The following MAL2 variants were observed in gnomAD, a reference collection of about 807,000 sequenced individuals.
MAL2 encodes the protein mal, T cell differentiation protein 2.
Under a neutral mutation model 18.1 loss-of-function variants are expected in MAL2, and 17 were observed. That is an observed-to-expected ratio of 0.94 (90% CI 0.64 to 1.41). The LOEUF (loss-of-function observed/expected upper bound fraction) is 1.41. Among genes scored for constraint, MAL2 ranks in the 40% most tolerant of loss-of-function variants. The pLI is 0.00. For missense variants in MAL2, 222 were observed against 231.9 expected (o/e 0.96, Z 0.28); for synonymous variants, 102 against 102.3 (o/e 1.00, Z 0.02).
chr8:119,239,182 C>T (rs567587324), intron 2 of MAL2, among the ~76,000 whole-genome samples: 2,239 of 152,220 alleles, frequency 0.015, 54 homozygotes, highest in African/African-American at 0.052. Flanking sequence ...AAATGCTCAC[C>T]ATCACTGACC....
Position 119,231,596 on chromosome 8 carries a change from G to T in MAL2, c.304-8569G>T, listed in dbSNP as rs184731099. ...TATGATCTAGCAATCCCACGCCTGG[G>T]TATATATCCAAAGGAAATGACATCA... On this transcript the variant is annotated intron_variant, in intron 2 of 3. Transcript: ENST00000614891. 1.4e-3 allele frequency among the ~76,000 whole-genome samples: 215 copies of T among 152,202 alleles called. 1 individual carries two copies. Among genetic ancestry groups the T allele is most frequent in the African/African-American group, 4.8e-3 (201 of 41,528 alleles).
intron 2 of MAL2, among the ~76,000 whole-genome samples, chr8:119,222,546 GA>G (rs1317588322): frequency 4.6e-5 from 7 of 150,606 alleles, no homozygotes; most frequent in Non-Finnish European, 1.0e-4. Flanking sequence ...AAGAATTTGT[GA>G]CCAAGTGCAG....
intron 3 of MAL2, 54 bp from the exon 4 acceptor site, chr8:119,243,363 G>GTTT (rs1818086743): frequency 7.0e-7 from 1 of 1,422,532 alleles, no homozygotes; most frequent in African/African-American, 1.4e-5. Flanking sequence ...TTAGGACACT[G>GTTT]TTTATAAGTC....
intron 2 of MAL2, among the ~76,000 whole-genome samples, chr8:119,238,457 C>T (rs533037751): frequency 7.2e-5 from 11 of 152,130 alleles, no homozygotes; most frequent in Admixed American, 1.3e-4. Context: ...AAAAAGAGCC[C>T]GCATCGCCAA....
intron 3 of MAL2, among the ~76,000 whole-genome samples, chr8:119,241,489 C>T (rs932032478): frequency 1.3e-5 from 2 of 152,080 alleles, no homozygotes; most frequent in African/African-American, 2.4e-5. Context: ...AGACTCTGGT[C>T]GGGGGAGAGA....
At chr8:119,229,905 T>G (rs1817680516) in intron 2 of MAL2, among the ~76,000 whole-genome samples, 2 of 152,174 alleles carry the variant, frequency 1.3e-5, no homozygotes, top group South Asian at 4.1e-4. Context: ...GTGGGTAACA[T>G]GAGAGCCTAG....
rs1818109407 is a variant in MAL2, at chr8:119,244,341, G to A, written c.*853G>A. The A allele has an allele frequency of 6.6e-6, 1 of 152,062 alleles. No individual in the cohort carries two copies. The highest frequency in any genetic ancestry group is 2.4e-5 in the African/African-American group (1 of 41,394). 9.4% of individuals were successfully genotyped at this position (152,062 alleles called of 1,614,324 possible). A position where few individuals can be genotyped will look rare whatever the true frequency, so the allele number is the denominator to read the frequency against. Reference sequence around the variant, plus strand: ...TTCTCAGGCAGAGTCCTGGATATAGGAAAAAGTAATTTATGAAGTAAACTT... The same window carrying A: ...TTCTCAGGCAGAGTCCTGGATATAGAAAAAAGTAATTTATGAAGTAAACTT... On this transcript the variant is annotated 3_prime_UTR_variant, in exon 4 of 4. Coordinates refer to ENST00000614891, the MANE Select transcript of MAL2 (RefSeq NM_052886.3).
At chr8:119,241,216 G>A (rs1250856797) in intron 3 of MAL2, among the ~76,000 whole-genome samples, 1 of 152,144 alleles carries the variant, frequency 6.6e-6, no homozygotes, top group Non-Finnish European at 1.5e-5. Context: ...CTGGCTTCAT[G>A]TGGCTATTGA....
chr8:119,225,058 C>T (rs1398784365), intron 2 of MAL2, among the ~76,000 whole-genome samples: 1 of 148,090 alleles, frequency 6.8e-6, no homozygotes, highest in African/African-American at 2.5e-5. Flanking sequence ...GACGATGCAG[C>T]TTTTTTTTTT....
At position 119,230,302 on chromosome 8, in the gene MAL2, C is replaced by T. The variant is rs181705154; in HGVS notation, c.303+8545C>T. Among the ~76,000 whole-genome samples, 683 of 151,820 alleles carry T rather than the reference C, an allele frequency of 4.5e-3. 8 individuals carry two copies. Among genetic ancestry groups the T allele is most frequent in the Non-Finnish European group, 4.2e-3 (285 of 67,990 alleles). On this transcript the variant is annotated intron_variant, in intron 2 of 3. Coordinates refer to ENST00000614891, the MANE Select transcript of MAL2 (RefSeq NM_052886.3). ...TGACCCAAGCATATGGAGTGAGAAG[C>T]GCGAGAAGTGTGTTGGGAATTAACA...
At position 119,208,698 on chromosome 8, in the gene MAL2, C is replaced by T; in HGVS notation, c.132+94C>T. 8.3e-7 allele frequency: 1 copy of T among 1,210,608 alleles called. No homozygotes were observed. The highest frequency in any genetic ancestry group is 1.6e-5 in the African/African-American group (1 of 63,268). 75.0% of individuals were successfully genotyped at this position (1,210,608 alleles called of 1,614,324 possible). On this transcript the variant is annotated intron_variant, in intron 1 of 3. Coordinates refer to ENST00000614891, the MANE Select transcript of MAL2 (RefSeq NM_052886.3). The surrounding 1 kb of genome is among the most constrained non-coding windows in gnomAD (Gnocchi z 4.3). ...GGCTGTCTTCCTCTGCGTCCGCCCCCGGCCTCCTTCCCTTCGACGTGGCTT... is the reference window on the plus strand; with the variant it reads ...GGCTGTCTTCCTCTGCGTCCGCCCCTGGCCTCCTTCCCTTCGACGTGGCTT...
intron 2 of MAL2, chr8:119,223,401 A>G (rs1817509967): frequency 6.6e-6 from 1 of 152,254 alleles, no homozygotes; most frequent in Non-Finnish European, 1.5e-5. Context: ...TAAAATGAGA[A>G]TAATATATTT....
At chr8:119,232,793 T>C (rs1817761062) in intron 2 of MAL2, among the ~76,000 whole-genome samples, 1 of 152,210 alleles carries the variant, frequency 6.6e-6, no homozygotes, top group Non-Finnish European at 1.5e-5. Flanking sequence ...GTTATGGCTT[T>C]TTTATATTAT....
chr8:119,229,762 C>T lies in MAL2; in HGVS notation c.303+8005C>T, dbSNP rs1268585596. Among the ~76,000 whole-genome samples, 3 of 152,312 alleles carry T rather than the reference C, an allele frequency of 2.0e-5. No individual in the cohort carries two copies. The East Asian group carries it at 5.8e-4, about 29-fold the overall frequency. ...CAATACAGCTGCTGTCCCTTTCAACCTTGCAACCACATAGGAGCCAACTCT... is the reference window on the plus strand; with the variant it reads ...CAATACAGCTGCTGTCCCTTTCAACTTTGCAACCACATAGGAGCCAACTCT... On this transcript the variant is annotated intron_variant, in intron 2 of 3. Coordinates refer to ENST00000614891, the MANE Select transcript of MAL2 (RefSeq NM_052886.3).
chr8:119,214,943 C>T (rs1216209899), intron 1 of MAL2, among the ~76,000 whole-genome samples: 1 of 152,150 alleles, frequency 6.6e-6, no homozygotes, highest in East Asian at 1.9e-4. Context: ...ATGCCAGGGC[C>T]AGTCCAGAAG....
chr8:119,233,297 G>C (rs1817776486), intron 2 of MAL2, among the ~76,000 whole-genome samples: 1 of 152,152 alleles, frequency 6.6e-6, no homozygotes, highest in South Asian at 2.1e-4. Context: ...ACATTCAAAA[G>C]CTAGCAGAAG....
chr8:119,221,425 C>G (rs1230022649), intron 1 of MAL2, 162 bp from the exon 2 acceptor site: 6 of 785,784 alleles, frequency 7.6e-6, no homozygotes, highest in Non-Finnish European at 1.2e-5. Flanking sequence ...AAGAAGGCAT[C>G]TTACATAATA....
At chr8:119,232,123 T>C (rs1298627499) in intron 2 of MAL2, among the ~76,000 whole-genome samples, 1 of 152,016 alleles carries the variant, frequency 6.6e-6, no homozygotes, top group Non-Finnish European at 1.5e-5. Context: ...TATTTATGTA[T>C]ATATAAATTA....
chr8:119,221,497 G>T, intron 1 of MAL2, 90 bp from the exon 2 acceptor site: 1 of 1,488,312 alleles, frequency 6.7e-7, no homozygotes, highest in Non-Finnish European at 9.2e-7. Context: ...GGAAAATGAA[G>T]GCAATGCTGA....
Sources: gnomAD v4.1 joint callset for allele counts (sites outside exome capture counted in the v4.1 genomes callset) on GRCh38, gnomAD v4.1.1 for gene constraint, Gnocchi (gnomAD v3.1) non-coding constraint, MANE v1.5 for transcripts, NCBI Gene and HGNC (gene_info 2026-07-23, HGNC 2026-07-21) for gene names.